The following HMG20A variants were observed in gnomAD, a reference collection of about 807,000 sequenced individuals.
HMG20A encodes high mobility group 20A.
HMG20A carries 17 observed loss-of-function variants against 43.9 expected under a neutral mutation model. That is an observed-to-expected ratio of 0.39 (90% CI 0.27 to 0.58). HMG20A has a LOEUF of 0.58. Among genes scored for constraint, HMG20A ranks in the 20% least tolerant of loss-of-function variants. The pLI, the probability that HMG20A is intolerant of heterozygous loss-of-function variation, is 0.59. For synonymous variants in HMG20A, 132 were observed against 147.5 expected (o/e 0.89, Z 0.76); for missense variants, 341 against 438.2 (o/e 0.78, Z 1.98).
At chr15:77,449,549 G>A (rs2142309627) in intron 1 of HMG20A, among the ~76,000 whole-genome samples, 1 of 152,108 alleles carries the variant, frequency 6.6e-6, no homozygotes, top group African/African-American at 2.4e-5. Flanking sequence ...AGTCAGTTGT[G>A]TTTATTCCCA....
At chr15:77,517,458 T>G in the HMG20A span, among the ~76,000 whole-genome samples, 10 of 151,884 alleles carry the variant, frequency 6.6e-5, no homozygotes, top group Admixed American at 5.9e-4. Context: ...AGAATATTGC[T>G]TCACAAATGG....
intron 1 of HMG20A, among the ~76,000 whole-genome samples, chr15:77,427,368 A>G (rs2073437155): frequency 6.6e-6 from 1 of 152,170 alleles, no homozygotes; most frequent in Non-Finnish European, 1.5e-5. Flanking sequence ...TTCTGAAGAT[A>G]AAATCTTATG....
chr15:77,488,217 A>G (rs1472415456), downstream of HMG20A, among the ~76,000 whole-genome samples: 1 of 152,198 alleles, frequency 6.6e-6, no homozygotes, highest in Admixed American at 6.5e-5. Flanking sequence ...AGATTCTCTT[A>G]TTTGAATCTC....
chr15:77,470,985 T>C lies in HMG20A; in HGVS notation c.526T>C (p.Tyr176His). The C allele has an allele frequency of 3.1e-6, 5 of 1,613,526 alleles. No homozygotes were observed. The highest frequency in any genetic ancestry group is 4.2e-6 in the Non-Finnish European group (5 of 1,179,774). Residue 176 changes from tyrosine to histidine, a missense_variant, in exon 5 of 10, where the codon TAC becomes CAC. Around this residue, in one of 3 missense-constraint regions of HMG20A, gnomAD observed 220 missense variants for 263.6 expected, o/e 0.83. Coordinates refer to ENST00000336216, the MANE Select transcript of HMG20A (RefSeq NM_001304504.2). ...ELEQYQKTEA[Y>H]KVFSRKTQDR... ...GGAACAGTATCAGAAAACAGAGGCC[T>C]ACAAGGTCTTCAGTAGGAAAACCCA...
At chr15:77,444,056 A>G (rs183293492) in intron 1 of HMG20A, among the ~76,000 whole-genome samples, 135 of 152,262 alleles carry the variant, frequency 8.9e-4, no homozygotes, top group Non-Finnish European at 1.6e-3. Flanking sequence ...ACTTTCTCAT[A>G]AATGTTTCAT....
intron 3 of HMG20A, among the ~76,000 whole-genome samples, chr15:77,465,090 T>C (rs2072742668): frequency 2.6e-5 from 4 of 151,650 alleles, no homozygotes; most frequent in Admixed American, 2.6e-4. Context: ...TGAAACCCCG[T>C]CTCTACTAAA....
intron 9 of HMG20A, among the ~76,000 whole-genome samples, chr15:77,479,795 A>G (rs909486327): frequency 2.0e-5 from 3 of 152,202 alleles, no homozygotes; most frequent in Admixed American, 6.6e-5. Flanking sequence ...CAAAATAAAT[A>G]TAACTTAATT....
At chr15:77,512,017 A>G in the HMG20A span, among the ~76,000 whole-genome samples, 2 of 152,240 alleles carry the variant, frequency 1.3e-5, no homozygotes, top group Non-Finnish European at 2.9e-5. Context: ...CAAGTGTCCC[A>G]TCAACAGATG....
chr15:77,477,946 CT>C (rs2072871160), intron 7 of HMG20A, among the ~76,000 whole-genome samples: 2 of 152,264 alleles, frequency 1.3e-5, no homozygotes, highest in East Asian at 3.9e-4. Context: ...AGATGGGTAC[CT>C]ACAGCTGTGC....
chr15:77,499,892 C>T, the HMG20A span, among the ~76,000 whole-genome samples: 11 of 151,510 alleles, frequency 7.3e-5, 1 homozygote, highest in Non-Finnish European at 1.3e-4. Context: ...TGCAGCAGCA[C>T]GATCCTGGCT....
At chr15:77,500,253 G>T in the HMG20A span, among the ~76,000 whole-genome samples, 1 of 152,282 alleles carries the variant, frequency 6.6e-6, no homozygotes, top group Admixed American at 6.5e-5. Flanking sequence ...ACTTAGCTAG[G>T]TTAAAGGACC....
At chr15:77,503,685 C>T in the HMG20A span, among the ~76,000 whole-genome samples, 10 of 152,366 alleles carry the variant, frequency 6.6e-5, no homozygotes, top group African/African-American at 2.2e-4. Flanking sequence ...AGGGGTGCTG[C>T]TCACACCCTG....
chr15:77,502,330 G>A, the HMG20A span, among the ~76,000 whole-genome samples: 1 of 152,210 alleles, frequency 6.6e-6, no homozygotes. Flanking sequence ...CTCTAAGCCA[G>A]TCCCTTGTTC....
chr15:77,488,651 G>T (rs2072957550), downstream of HMG20A, among the ~76,000 whole-genome samples: 1 of 152,204 alleles, frequency 6.6e-6, no homozygotes, highest in African/African-American at 2.4e-5. Flanking sequence ...TCTGGTAGAG[G>T]TTGAGGTAGC....
intron 1 of HMG20A, 67 bp downstream of exon 1, chr15:77,421,071 C>G (rs2073314198): frequency 2.5e-6 from 1 of 397,084 alleles, no homozygotes; most frequent in Non-Finnish European, 4.4e-6. Flanking sequence ...GAAGATCACC[C>G]CTCTTTTGGT....
intron 7 of HMG20A, 62 bp downstream of exon 7, chr15:77,477,692 A>C: frequency 9.0e-7 from 1 of 1,115,672 alleles, no homozygotes; most frequent in Non-Finnish European, 1.4e-6. Flanking sequence ...AGTTCTCAGA[A>C]GAAATTCATT....
chr15:77,440,988 G>A (rs1034903742), intron 1 of HMG20A, among the ~76,000 whole-genome samples: 2 of 152,122 alleles, frequency 1.3e-5, no homozygotes, highest in African/African-American at 4.8e-5. Flanking sequence ...TCTTAAAATA[G>A]TGCCTGGTAC....
intron 1 of HMG20A, among the ~76,000 whole-genome samples, chr15:77,456,612 G>C (rs1262381928): frequency 6.8e-6 from 1 of 146,508 alleles, no homozygotes; most frequent in Non-Finnish European, 1.5e-5. Flanking sequence ...CCTGGGAGGC[G>C]TGGGCAACAG....
intron 9 of HMG20A, among the ~76,000 whole-genome samples, chr15:77,481,721 T>C (rs1032513484): frequency 2.0e-5 from 3 of 152,350 alleles, no homozygotes; most frequent in African/African-American, 7.2e-5. Flanking sequence ...TGAACTGTTA[T>C]ATTACTACAG....
Sources: allele counts gnomAD v4.1 joint callset (sites outside exome capture counted in the v4.1 genomes callset), GRCh38; gene constraint gnomAD v4.1.1; regional missense constraint gnomAD v4.1.1; transcripts MANE v1.5; gene names NCBI Gene and HGNC (gene_info 2026-07-23, HGNC 2026-07-21).